The following CALN1 variants were observed in gnomAD, a reference collection of about 807,000 sequenced individuals.
CALN1 encodes calcium-binding protein 8.
In CALN1, 17 loss-of-function variants were observed where a neutral mutation model predicts 30.6. That is an observed-to-expected ratio of 0.56 (90% CI 0.38 to 0.83). CALN1 has a LOEUF of 0.83. Ranked by LOEUF, CALN1 falls within the 40% of genes least tolerant of loss-of-function variation. The pLI is 0.00. For missense variants in CALN1, 291 were observed against 354.9 expected (o/e 0.82, Z 1.45); for synonymous variants, 156 against 131.4 (o/e 1.19, Z -1.28).
chr7:72,180,976 T>G (rs989447766), intron 3 of CALN1, among the ~76,000 whole-genome samples: 1 of 151,500 alleles, frequency 6.6e-6, no homozygotes, highest in Non-Finnish European at 1.5e-5. Context: ...CAGGTGCCTG[T>G]AATCCCAGCT....
chr7:72,377,181 T>C (rs903143651), intron 2 of CALN1, among the ~76,000 whole-genome samples: 2 of 152,196 alleles, frequency 1.3e-5, no homozygotes, highest in South Asian at 2.1e-4. Context: ...TGAATTTCCA[T>C]ATGAATATTA....
chr7:72,184,398 T>C (rs1790037604), intron 3 of CALN1, among the ~76,000 whole-genome samples: 1 of 152,236 alleles, frequency 6.6e-6, no homozygotes, highest in South Asian at 2.1e-4. Context: ...GTAAGCATTC[T>C]ATGTGTGATA....
At chr7:71,950,520 G>A (rs1796636896) in intron 5 of CALN1, among the ~76,000 whole-genome samples, 1 of 152,072 alleles carries the variant, frequency 6.6e-6, no homozygotes, top group Non-Finnish European at 1.5e-5. Flanking sequence ...AGACTTGCAA[G>A]CATAGCCCGA....
At chr7:72,091,009 A>T (rs1388465892) in intron 4 of CALN1, among the ~76,000 whole-genome samples, 1 of 152,164 alleles carries the variant, frequency 6.6e-6, no homozygotes, top group Non-Finnish European at 1.5e-5. Context: ...AGTGTTCAGG[A>T]GCACAATAGG....
At chr7:71,905,620 G>A (rs1020009802) in intron 5 of CALN1, among the ~76,000 whole-genome samples, 1 of 152,022 alleles carries the variant, frequency 6.6e-6, no homozygotes, top group African/African-American at 2.4e-5. Flanking sequence ...ACCTTGGCAA[G>A]ACATACGCAC....
chr7:71,936,875 T>C (rs1017254909), intron 5 of CALN1, among the ~76,000 whole-genome samples: 4 of 151,084 alleles, frequency 2.6e-5, no homozygotes, highest in Admixed American at 2.0e-4. Context: ...GTAAGTCTCA[T>C]GAGATCTGAT....
intron 2 of CALN1, among the ~76,000 whole-genome samples, chr7:72,355,394 C>A (rs955820216): frequency 6.6e-6 from 1 of 152,036 alleles, no homozygotes; most frequent in Non-Finnish European, 1.5e-5. Context: ...GGCGTGGTGG[C>A]GCACGCCTGT....
chr7:72,215,856 G>A (rs1792764316), intron 3 of CALN1, among the ~76,000 whole-genome samples: 2 of 152,114 alleles, frequency 1.3e-5, no homozygotes, highest in Admixed American at 6.6e-5. Context: ...GACTGGGCTG[G>A]CCATGGGACT....
chr7:71,824,546 C>T (rs1167145234), intron 5 of CALN1, among the ~76,000 whole-genome samples: 1 of 152,102 alleles, frequency 6.6e-6, no homozygotes, highest in Non-Finnish European at 1.5e-5. Flanking sequence ...GGCCTTTGCT[C>T]CATTTTTCGT....
intron 5 of CALN1, among the ~76,000 whole-genome samples, chr7:71,856,641 A>G (rs1350092547): frequency 6.6e-6 from 1 of 152,172 alleles, no homozygotes; most frequent in Admixed American, 6.5e-5. Flanking sequence ...TCCCAAGACT[A>G]TACATGTATG....
intron 2 of CALN1, among the ~76,000 whole-genome samples, chr7:72,350,115 T>C (rs1802842688): frequency 6.6e-6 from 1 of 152,168 alleles, no homozygotes; most frequent in Non-Finnish European, 1.5e-5. Flanking sequence ...GAATTGATTT[T>C]TGCATATGTT....
intron 3 of CALN1, among the ~76,000 whole-genome samples, chr7:72,270,551 T>C (rs746728374): frequency 4.6e-5 from 7 of 152,050 alleles, no homozygotes; most frequent in Non-Finnish European, 8.8e-5. Context: ...GTGGGAGGAT[T>C]ACATGAGCCC....
At chr7:72,229,812 T>A (rs1369706675) in intron 3 of CALN1, among the ~76,000 whole-genome samples, 1 of 151,688 alleles carries the variant, frequency 6.6e-6, no homozygotes, top group African/African-American at 2.4e-5. Flanking sequence ...AGGAGAGCAT[T>A]AGGACAAATA....
chr7:72,234,191 G>A (rs1794315575), intron 3 of CALN1, among the ~76,000 whole-genome samples: 1 of 152,094 alleles, frequency 6.6e-6, no homozygotes, highest in African/African-American at 2.4e-5. Context: ...TAATTACAAG[G>A]TAAAGCAGGA....
intron 1 of CALN1, among the ~76,000 whole-genome samples, chr7:72,423,263 G>A (rs956485175): frequency 4.6e-5 from 7 of 152,042 alleles, no homozygotes; most frequent in African/African-American, 7.2e-5. Context: ...TTTCTTTCAA[G>A]TTTTAATTTT....
chr7:71,903,705 G>A (rs2116957332), intron 5 of CALN1, among the ~76,000 whole-genome samples: 1 of 152,210 alleles, frequency 6.6e-6, no homozygotes, highest in East Asian at 1.9e-4. Context: ...CAGACAAATA[G>A]GATTATATCA....
At chr7:72,488,620 A>G in the CALN1 span, among the ~76,000 whole-genome samples, 5 of 152,040 alleles carry the variant, frequency 3.3e-5, no homozygotes, top group Non-Finnish European at 7.4e-5. Flanking sequence ...CTTGGACCAG[A>G]TATCTGATGT....
At chr7:72,435,482 C>T (rs1358149553) in intron 1 of CALN1, among the ~76,000 whole-genome samples, 1 of 152,218 alleles carries the variant, frequency 6.6e-6, no homozygotes, top group Non-Finnish European at 1.5e-5. Flanking sequence ...ACGCCTCCCT[C>T]GGCCTGCGGG....
the CALN1 span, among the ~76,000 whole-genome samples, chr7:72,499,741 T>G: frequency 6.6e-6 from 1 of 151,710 alleles, no homozygotes; most frequent in Non-Finnish European, 1.5e-5. Flanking sequence ...TTAATTATAA[T>G]TTTTGCTGCA....
Sources: allele counts gnomAD v4.1 joint callset (sites outside exome capture counted in the v4.1 genomes callset), GRCh38; gene constraint gnomAD v4.1.1; transcripts MANE v1.5; gene names NCBI Gene and HGNC (gene_info 2026-07-23, HGNC 2026-07-21).